The following HNRNPA1L2 variants were observed in gnomAD, a reference collection of about 807,000 sequenced individuals.
HNRNPA1L2 encodes heterogeneous nuclear ribonucleoprotein A1 like 2.
HNRNPA1L2 carries 10 observed loss-of-function variants against 18.2 expected under a neutral mutation model. That is an observed-to-expected ratio of 0.55 (90% CI 0.34 to 0.93). HNRNPA1L2 has a LOEUF of 0.93. Ranked by LOEUF, HNRNPA1L2 falls within the 40% of genes least tolerant of loss-of-function variation. The pLI is 0.02. For missense variants in HNRNPA1L2, 308 were observed against 394.4 expected (o/e 0.78, Z 1.85); for synonymous variants, 124 against 138.6 (o/e 0.89, Z 0.74).
At chr13:52,632,429 A>T in the HNRNPA1L2 span, 4 of 153,008 alleles carry the variant, frequency 2.6e-5, no homozygotes, top group African/African-American at 9.7e-5. Flanking sequence ...TAGGAAAAAT[A>T]TATTCAGGGG....
At chr13:52,619,139 C>T in the HNRNPA1L2 span, among the ~76,000 whole-genome samples, 1 of 152,024 alleles carries the variant, frequency 6.6e-6, no homozygotes, top group African/African-American at 2.4e-5. Flanking sequence ...TCCTGAGTAG[C>T]TGGGATTACA....
At chr13:52,625,642 T>C in the HNRNPA1L2 span, among the ~76,000 whole-genome samples, 2 of 152,234 alleles carry the variant, frequency 1.3e-5, no homozygotes, top group Non-Finnish European at 2.9e-5. Flanking sequence ...TCTGATCAAA[T>C]ACATATATTA....
At chr13:52,619,700 TC>T in the HNRNPA1L2 span, among the ~76,000 whole-genome samples, 1 of 151,832 alleles carries the variant, frequency 6.6e-6, no homozygotes, top group Non-Finnish European at 1.5e-5. Context: ...GGCAGGCGGA[TC>T]ACAAGGTAAG....
At chr13:52,623,335 C>A in the HNRNPA1L2 span, among the ~76,000 whole-genome samples, 4 of 152,272 alleles carry the variant, frequency 2.6e-5, no homozygotes, top group South Asian at 8.3e-4. Context: ...TAAACAATTT[C>A]TTTCCAATTA....
chr13:52,628,691 A>G, the HNRNPA1L2 span, among the ~76,000 whole-genome samples: 2 of 152,200 alleles, frequency 1.3e-5, no homozygotes, highest in African/African-American at 4.8e-5. Context: ...GAACATCTTT[A>G]AAAGACAAGT....
the HNRNPA1L2 span, among the ~76,000 whole-genome samples, chr13:52,628,261 AACAAG>A: frequency 2.0e-5 from 3 of 152,134 alleles, no homozygotes; most frequent in Non-Finnish European, 4.4e-5. Flanking sequence ...TGGGCAGCAA[AACAAG>A]ACCCCATCTT....
At chr13:52,635,725 T>C in the HNRNPA1L2 span, among the ~76,000 whole-genome samples, 1 of 152,100 alleles carries the variant, frequency 6.6e-6, no homozygotes, top group Non-Finnish European at 1.5e-5. Context: ...CTTTTGCATC[T>C]GGCTTGTTTC....
At chr13:52,639,202 C>T (rs905821314), upstream of HNRNPA1L2, among the ~76,000 whole-genome samples, 10 of 152,110 alleles carry the variant, frequency 6.6e-5, no homozygotes, top group African/African-American at 2.4e-4. Flanking sequence ...ATGTTTAGGA[C>T]ATTGTTCCCA....
the HNRNPA1L2 span, among the ~76,000 whole-genome samples, chr13:52,627,995 A>G: frequency 6.6e-6 from 1 of 151,964 alleles, no homozygotes; most frequent in Non-Finnish European, 1.5e-5. Flanking sequence ...TTAAGCTGAC[A>G]TCTTTCCACT....
chr13:52,643,479 G>T lies in HNRNPA1L2; in HGVS notation c.*24G>T. On this transcript the variant is annotated 3_prime_UTR_variant, in exon 1 of 1. Transcript: ENST00000357495. ...AATTAGGAAACAAAGCTTAGCAGGA[G>T]AGGAGAGCCAGAGAAGTGACAGGGA... is the stretch of plus-strand genomic sequence containing the variant. The T allele has an allele frequency of 6.4e-7, 1 of 1,568,722 alleles. No homozygotes were observed. The highest frequency in any genetic ancestry group is 8.7e-7 in the Non-Finnish European group (1 of 1,154,812).
chr13:52,635,575 AACACACACACACACACACACACAC>A, the HNRNPA1L2 span, among the ~76,000 whole-genome samples: 1,164 of 143,370 alleles, frequency 8.1e-3, 11 homozygotes, highest in African/African-American at 0.024. Context: ...GTCCTTTTGC[AACACACACACACACACACACACAC>A]ACACACACAC....
At chr13:52,639,927 T>C (rs1461797975), upstream of HNRNPA1L2, among the ~76,000 whole-genome samples, 5 of 146,554 alleles carry the variant, frequency 3.4e-5, no homozygotes, top group Admixed American at 6.8e-5. Flanking sequence ...TGTCTCGCTC[T>C]GTTACCCAGT....
chr13:52,633,878 A>C, the HNRNPA1L2 span, among the ~76,000 whole-genome samples: 4 of 152,148 alleles, frequency 2.6e-5, no homozygotes, highest in Non-Finnish European at 5.9e-5. Flanking sequence ...TGACTCATTT[A>C]ATCTTTCTAC....
rs200354963 is a variant in HNRNPA1L2, at chr13:52,642,967, G to A, written c.475G>A (p.Val159Met). Residue 159 changes from valine (V) to methionine (M), a missense_variant, in exon 1 of 1, where the codon GTG becomes ATG. Physicochemically the swap from Val to Met is conservative, Grantham distance 21. Coordinates refer to ENST00000357495, the MANE Select transcript of HNRNPA1L2 (RefSeq NM_001389320.1). ...TGTAACCTTTGACGACCATGACTCC[G>A]TGGATAAGATTGTCATTCAGAAATA... ...AFVTFDDHDS[V>M]DKIVIQKYHT... The A allele has an allele frequency of 1.4e-4, 227 of 1,597,180 alleles. 1 individual carries two copies. Among genetic ancestry groups the A allele is most frequent in the Non-Finnish European group, 1.8e-4 (212 of 1,179,818 alleles).
At chr13:52,637,643 A>G (rs539613370), upstream of HNRNPA1L2, among the ~76,000 whole-genome samples, 1 of 152,320 alleles carries the variant, frequency 6.6e-6, no homozygotes, top group South Asian at 2.1e-4. Flanking sequence ...CAAATTTTGA[A>G]TATACTTTCT....
the HNRNPA1L2 span, among the ~76,000 whole-genome samples, chr13:52,618,791 A>G: frequency 6.6e-6 from 1 of 152,184 alleles, no homozygotes; most frequent in South Asian, 2.1e-4. Context: ...CATTTGAAGT[A>G]CTGATGAGAT....
the HNRNPA1L2 span, among the ~76,000 whole-genome samples, chr13:52,620,302 A>T: frequency 1.3e-5 from 2 of 152,200 alleles, no homozygotes; most frequent in Non-Finnish European, 1.5e-5. Context: ...CAAACTAAGA[A>T]TCTTAGGAAT....
chr13:52,630,632 C>T, the HNRNPA1L2 span, among the ~76,000 whole-genome samples: 4 of 152,114 alleles, frequency 2.6e-5, no homozygotes, highest in East Asian at 1.9e-4. Context: ...TTGTGTATTC[C>T]GTGGATTTGT....
At chr13:52,619,654 G>A in the HNRNPA1L2 span, among the ~76,000 whole-genome samples, 16 of 150,786 alleles carry the variant, frequency 1.1e-4, no homozygotes, top group African/African-American at 2.4e-4. Flanking sequence ...GGGCGTGGTG[G>A]CTCACGCCTG....
Sources: gnomAD v4.1 joint callset for allele counts (sites outside exome capture counted in the v4.1 genomes callset) on GRCh38, gnomAD v4.1.1 for gene constraint, MANE v1.5 for transcripts, NCBI Gene and HGNC (gene_info 2026-07-23, HGNC 2026-07-21) for gene names.